Variants in PCDH11X observed in about 807,000 individuals in gnomAD.
PCDH11X encodes the protein protocadherin-11 X-linked.
A neutral mutation model predicts 53.3 loss-of-function variants in PCDH11X; 18 were observed. The ratio of observed to expected loss-of-function variants is 0.34; its 90% confidence interval spans 0.23 to 0.50. The LOEUF is 0.50. PCDH11X is among the 20% of genes least tolerant of loss of function. PCDH11X has a pLI of 0.98. For missense variants in PCDH11X, 570 were observed against 1,032.4 expected, an observed-to-expected ratio of 0.55 and a Z score of 6.14; for synonymous variants, 279 against 393.3, an observed-to-expected ratio of 0.71 and a Z score of 3.44.
intron 9 of PCDH11X, among the ~76,000 whole-genome samples, chrX:92,421,928 T>C (rs2148615960): frequency 9.0e-6 from 1 of 111,125 alleles, no homozygotes; most frequent in African/African-American, 3.3e-5. Context: ...CTTGTTAATT[T>C]GTTTAAATTC....
chrX:91,848,032 T>C (rs1476644559), intron 5 of PCDH11X, among the ~76,000 whole-genome samples: 1 of 111,034 alleles, frequency 9.0e-6, no homozygotes, highest in East Asian at 2.8e-4. Flanking sequence ...TGTGACCGAG[T>C]TTCTCCTTTT....
At chrX:91,846,588 A>T (rs1034280890) in intron 5 of PCDH11X, among the ~76,000 whole-genome samples, 5 of 108,082 alleles carry the variant, frequency 4.6e-5, no homozygotes, top group Non-Finnish European at 9.6e-5. Flanking sequence ...ACTGCACTCC[A>T]GCCTGGGCGA....
At chrX:92,584,178 A>T (rs6615426) in intron 10 of PCDH11X, among the ~76,000 whole-genome samples, 22,623 of 109,353 alleles carry the variant, frequency 0.21, 2,370 homozygotes, top group Non-Finnish European at 0.3. Flanking sequence ...ATTAGTGATG[A>T]GGGGAAATCT....
intron 6 of PCDH11X, among the ~76,000 whole-genome samples, chrX:91,963,568 TC>T (rs1472385784): frequency 9.0e-6 from 1 of 111,584 alleles, no homozygotes; most frequent in African/African-American, 3.3e-5. Flanking sequence ...CTTTCCCACC[TC>T]TTTCTGTCTT....
intron 6 of PCDH11X, among the ~76,000 whole-genome samples, chrX:92,132,908 A>G (rs2065020714): frequency 9.2e-6 from 1 of 109,278 alleles, no homozygotes; most frequent in Non-Finnish European, 1.9e-5. Flanking sequence ...TTTTCAATTA[A>G]TAATTTTAAA....
intron 10 of PCDH11X, among the ~76,000 whole-genome samples, chrX:92,608,490 A>T (rs1432657861): frequency 9.1e-6 from 1 of 109,976 alleles, no homozygotes; most frequent in African/African-American, 3.3e-5. Flanking sequence ...CGTTTGTCCT[A>T]TGGTTTCTGT....
chrX:92,235,939 A>G, intron 7 of PCDH11X, among the ~76,000 whole-genome samples: 1 of 111,359 alleles, frequency 9.0e-6, no homozygotes, highest in Non-Finnish European at 1.9e-5. Flanking sequence ...ATAAATACAG[A>G]TAATATTGGA....
intron 8 of PCDH11X, among the ~76,000 whole-genome samples, chrX:92,291,873 C>A (rs202155435): frequency 2.9e-4 from 29 of 100,675 alleles, no homozygotes; most frequent in South Asian, 4.4e-4. Flanking sequence ...GTCTCAAAAA[C>A]AAAAAAAAAG....
chrX:92,446,894 A>G (rs2148642165), intron 9 of PCDH11X, among the ~76,000 whole-genome samples: 1 of 111,700 alleles, frequency 9.0e-6, no homozygotes, highest in Non-Finnish European at 1.9e-5. Flanking sequence ...TGACAGCAAT[A>G]TGCACAATAA....
At chrX:92,110,659 G>A (rs1182449309) in intron 6 of PCDH11X, among the ~76,000 whole-genome samples, 3 of 111,372 alleles carry the variant, frequency 2.7e-5, no homozygotes, top group Non-Finnish European at 5.6e-5. Flanking sequence ...CACCTGTAAA[G>A]ATAAGCTATC....
chrX:92,447,079 G>A (rs993428772), intron 9 of PCDH11X, among the ~76,000 whole-genome samples: 27 of 112,063 alleles, frequency 2.4e-4, no homozygotes, highest in Non-Finnish European at 4.3e-4. Context: ...AAGTGGCAAA[G>A]CATTCAAGAG....
chrX:92,502,116 A>G (rs778481920), intron 10 of PCDH11X, among the ~76,000 whole-genome samples: 1 of 110,955 alleles, frequency 9.0e-6, no homozygotes, highest in South Asian at 3.8e-4. Flanking sequence ...ACTATCATTC[A>G]TAATTGTTAC....
chrX:91,839,650 G>T (rs1391002732), intron 5 of PCDH11X, among the ~76,000 whole-genome samples: 1 of 109,589 alleles, frequency 9.1e-6, no homozygotes, highest in African/African-American at 3.3e-5. Flanking sequence ...GGGAAAAAGT[G>T]GGGGAATGAA....
chrX:91,822,945 C>G (rs1418953215), intron 4 of PCDH11X, among the ~76,000 whole-genome samples: 1 of 110,623 alleles, frequency 9.0e-6, no homozygotes, highest in Non-Finnish European at 1.9e-5. Flanking sequence ...AGTAGTCATT[C>G]AGGAGCAGGT....
intron 6 of PCDH11X, among the ~76,000 whole-genome samples, chrX:91,983,943 G>A (rs969393873): frequency 1.8e-5 from 2 of 111,283 alleles, no homozygotes; most frequent in Non-Finnish European, 3.8e-5. Flanking sequence ...AGTATCTAAA[G>A]TTACATTCGA....
At chrX:92,556,040 T>C (rs187495251) in intron 10 of PCDH11X, among the ~76,000 whole-genome samples, 19 of 109,801 alleles carry the variant, frequency 1.7e-4, no homozygotes, top group Middle Eastern at 4.7e-3. Flanking sequence ...TATAAAACTA[T>C]CAGATCTTGT....
intron 8 of PCDH11X, among the ~76,000 whole-genome samples, chrX:92,356,207 C>A (rs1199446347): frequency 9.0e-6 from 1 of 111,548 alleles, no homozygotes; most frequent in Non-Finnish European, 1.9e-5. Flanking sequence ...CCTTTGCCAG[C>A]AAAGAAACTG....
At chrX:91,966,933 C>G (rs1448706350) in intron 6 of PCDH11X, among the ~76,000 whole-genome samples, 2 of 109,307 alleles carry the variant, frequency 1.8e-5, no homozygotes, top group African/African-American at 6.7e-5. Flanking sequence ...CTTTTAAGCC[C>G]CGCATGTATT....
At chrX:91,810,137 T>G (rs1337303085) in intron 2 of PCDH11X, among the ~76,000 whole-genome samples, 1 of 111,261 alleles carries the variant, frequency 9.0e-6, no homozygotes, top group African/African-American at 3.3e-5. Flanking sequence ...TACAACAGAC[T>G]AGGCTGGCTT....
Sources: gnomAD v4.1 joint callset for allele counts (sites outside exome capture counted in the v4.1 genomes callset) on GRCh38, gnomAD v4.1.1 for gene constraint, MANE v1.5 for transcripts, NCBI Gene and HGNC (gene_info 2026-07-23, HGNC 2026-07-21) for gene names.